Variants in TENM4 observed in about 807,000 individuals in gnomAD.
TENM4 encodes teneurin transmembrane protein 4, also known as teneurin-4.
Under a neutral mutation model 243.3 loss-of-function variants are expected in TENM4, and 82 were observed. That is an observed-to-expected ratio of 0.34 (90% CI 0.28 to 0.40). The LOEUF (loss-of-function observed/expected upper bound fraction) is 0.40. Ranked by LOEUF, TENM4 falls within the 10% of genes least tolerant of loss-of-function variation. The pLI is 1.00. For synonymous variants in TENM4, 1,412 were observed against 1,456.3 expected, an observed-to-expected ratio of 0.97 and a Z score of 0.69; for missense variants, 3,138 against 3,673.3, an observed-to-expected ratio of 0.85 and a Z score of 3.77.
intron 2 of TENM4, among the ~76,000 whole-genome samples, chr11:79,278,249 C>T (rs186444040): frequency 1.9e-4 from 29 of 152,268 alleles, no homozygotes; most frequent in African/African-American, 6.5e-4. Context: ...TTCACAAGGC[C>T]ATTCACTGAG....
chr11:78,701,438 TTAAAA>T (rs2135764658), intron 28 of TENM4, 83 bp downstream of exon 28: 7 of 1,427,260 alleles, frequency 4.9e-6, no homozygotes, highest in South Asian at 1.5e-5. Flanking sequence ...AAATCCTGAA[TTAAAA>T]TAAAATACTC....
chr11:79,109,201 C>T (rs1202233697), intron 4 of TENM4, among the ~76,000 whole-genome samples: 1 of 152,106 alleles, frequency 6.6e-6, no homozygotes, highest in Non-Finnish European at 1.5e-5. Flanking sequence ...TTAATGGAAG[C>T]AGAATATTGC....
chr11:78,884,648 G>C (rs1855511172), intron 9 of TENM4, among the ~76,000 whole-genome samples: 1 of 152,216 alleles, frequency 6.6e-6, no homozygotes, highest in Non-Finnish European at 1.5e-5. Flanking sequence ...TGAGGGTCCA[G>C]AGAAATGATA....
chr11:79,060,898 A>C (rs1860068818), intron 6 of TENM4, among the ~76,000 whole-genome samples: 1 of 152,180 alleles, frequency 6.6e-6, no homozygotes, highest in Non-Finnish European at 1.5e-5. Context: ...GGTCCAGTGG[A>C]ACTGAGCCCT....
intron 6 of TENM4, among the ~76,000 whole-genome samples, chr11:78,967,959 G>C (rs543959617): frequency 2.6e-5 from 4 of 152,380 alleles, no homozygotes; most frequent in African/African-American, 9.6e-5. Context: ...CAAATCTCAT[G>C]TTGGAATGTG....
chr11:78,746,629 T>C (rs560286111), intron 19 of TENM4, among the ~76,000 whole-genome samples: 12 of 152,074 alleles, frequency 7.9e-5, no homozygotes, highest in Admixed American at 4.6e-4. Flanking sequence ...TCGACTATGG[T>C]GAGGGAGAAG....
chr11:79,115,516 C>G (rs925957304), intron 4 of TENM4, among the ~76,000 whole-genome samples: 4 of 152,182 alleles, frequency 2.6e-5, no homozygotes, highest in Admixed American at 2.0e-4. Flanking sequence ...CTCTACCCTC[C>G]CCTGAGTGAT....
intron 22 of TENM4, among the ~76,000 whole-genome samples, chr11:78,726,932 A>G (rs1028223410): frequency 2.0e-5 from 3 of 152,212 alleles, no homozygotes; most frequent in Non-Finnish European, 4.4e-5. Flanking sequence ...TAGTATGGAA[A>G]ATATTTTGTG....
At chr11:78,845,670 G>T (rs1324105403) in intron 12 of TENM4, among the ~76,000 whole-genome samples, 1 of 151,724 alleles carries the variant, frequency 6.6e-6, no homozygotes, top group African/African-American at 2.4e-5. Context: ...TAAAGGGAAA[G>T]AAAAAATAAT....
intron 1 of TENM4, among the ~76,000 whole-genome samples, chr11:79,328,453 G>C (rs1211953924): frequency 6.6e-6 from 1 of 152,194 alleles, no homozygotes; most frequent in Non-Finnish European, 1.5e-5. Context: ...AGGTATTGCA[G>C]ACTGCCCAGC....
At chr11:78,897,307 T>C (rs2136312427) in intron 7 of TENM4, among the ~76,000 whole-genome samples, 1 of 152,188 alleles carries the variant, frequency 6.6e-6, no homozygotes, top group Non-Finnish European at 1.5e-5. Flanking sequence ...TTCTTTTCCC[T>C]TTGCTGATTC....
chr11:79,197,395 A>G (rs979248819), intron 3 of TENM4, among the ~76,000 whole-genome samples: 5 of 151,670 alleles, frequency 3.3e-5, no homozygotes, highest in South Asian at 4.2e-4. Flanking sequence ...CAGTGGAACC[A>G]GAACCAAAAG....
chr11:78,950,702 T>C (rs1049736899), intron 6 of TENM4, among the ~76,000 whole-genome samples: 1 of 152,256 alleles, frequency 6.6e-6, no homozygotes, highest in African/African-American at 2.4e-5. Context: ...ACTTCACATA[T>C]ATTATTTCAC....
At chr11:79,164,076 C>T (rs1372079096) in intron 3 of TENM4, among the ~76,000 whole-genome samples, 3 of 28,934 alleles carry the variant, frequency 1.0e-4, no homozygotes, top group African/African-American at 2.1e-4. Context: ...TGTATATATA[C>T]ACTATATATA....
intron 9 of TENM4, among the ~76,000 whole-genome samples, chr11:78,883,839 C>A (rs984973886): frequency 1.9e-4 from 29 of 152,216 alleles, no homozygotes; most frequent in African/African-American, 7.0e-4. Context: ...GGCTGCATTG[C>A]TGGAACAGTG....
At chr11:78,788,992 T>G (rs955437914) in intron 15 of TENM4, among the ~76,000 whole-genome samples, 1 of 152,152 alleles carries the variant, frequency 6.6e-6, no homozygotes, top group Non-Finnish European at 1.5e-5. Flanking sequence ...GGTTATTCAC[T>G]TGTTTCTTTC....
intron 10 of TENM4, among the ~76,000 whole-genome samples, chr11:78,857,422 C>A (rs926602364): frequency 1.3e-5 from 2 of 152,140 alleles, no homozygotes. Context: ...TTACAAAGCA[C>A]ATTTGATGCT....
chr11:79,324,415 C>G (rs1375780747), intron 1 of TENM4, among the ~76,000 whole-genome samples: 1 of 152,068 alleles, frequency 6.6e-6, no homozygotes, highest in Non-Finnish European at 1.5e-5. Flanking sequence ...GAGATCAGGT[C>G]TCGCTATGTT....
At chr11:79,136,798 G>T (rs1192370197) in intron 4 of TENM4, among the ~76,000 whole-genome samples, 2 of 152,136 alleles carry the variant, frequency 1.3e-5, no homozygotes, top group Non-Finnish European at 2.9e-5. Flanking sequence ...CTAAAGAAGT[G>T]TGACAGTGGG....
Sources: gnomAD v4.1 joint callset for allele counts (sites outside exome capture counted in the v4.1 genomes callset) on GRCh38, gnomAD v4.1.1 for gene constraint, MANE v1.5 for transcripts, NCBI Gene and HGNC (gene_info 2026-07-23, HGNC 2026-07-21) for gene names.